LONP2: variants seen among roughly 807,000 people sequenced by gnomAD.
LONP2 encodes the protein lon peptidase 2, peroxisomal.
In LONP2, 60 loss-of-function variants were observed where a neutral mutation model predicts 85.6. That is an observed-to-expected ratio of 0.70 (90% confidence interval 0.57 to 0.87). The LOEUF (loss-of-function observed/expected upper bound fraction) is 0.87, where lower values mean the gene tolerates loss of function less well. Among genes scored for constraint, LONP2 ranks in the 40% least tolerant of loss-of-function variants. The pLI, the probability that LONP2 is intolerant of heterozygous loss-of-function variation, is 0.00. For missense variants in LONP2, 860 were observed against 1,063.5 expected, an observed-to-expected ratio of 0.81 and a Z score of 2.66; for synonymous variants, 395 against 389.7, an observed-to-expected ratio of 1.01 and a Z score of -0.16.
At chr16:48,324,179 C>T (rs1436636441) in intron 11 of LONP2, among the ~76,000 whole-genome samples, 1 of 152,178 alleles carries the variant, frequency 6.6e-6, no homozygotes, top group African/African-American at 2.4e-5. Context: ...AGCCTTGTGA[C>T]ACATATTTCT....
chr16:48,326,702 A>G (rs912167587), intron 11 of LONP2, among the ~76,000 whole-genome samples: 2 of 152,004 alleles, frequency 1.3e-5, no homozygotes, highest in Non-Finnish European at 2.9e-5. Context: ...TTGCTTCAAG[A>G]TTTTTTCAAA....
chr16:48,313,446 C>T (rs1489541478), intron 11 of LONP2, among the ~76,000 whole-genome samples: 1 of 152,124 alleles, frequency 6.6e-6, no homozygotes, highest in Admixed American at 6.6e-5. Context: ...GCCCAGCATC[C>T]ATTAGCTATT....
At chr16:48,281,575 C>G (rs1972329477) in intron 8 of LONP2, among the ~76,000 whole-genome samples, 1 of 152,108 alleles carries the variant, frequency 6.6e-6, no homozygotes, top group South Asian at 2.1e-4. Context: ...ATATTTATAA[C>G]TGGCACATGT....
chr16:48,265,982 A>T (rs973607992), intron 6 of LONP2, among the ~76,000 whole-genome samples: 1 of 152,006 alleles, frequency 6.6e-6, no homozygotes, highest in African/African-American at 2.4e-5. Context: ...ATTGTAAATG[A>T]GATTGTTTCC....
At chr16:48,267,219 T>A (rs1054731382) in intron 6 of LONP2, among the ~76,000 whole-genome samples, 2 of 151,654 alleles carry the variant, frequency 1.3e-5, no homozygotes, top group Non-Finnish European at 2.9e-5. Context: ...ATAAAAGGAG[T>A]CATGTTAAGC....
intron 12 of LONP2, among the ~76,000 whole-genome samples, chr16:48,342,614 T>A (rs1240830813): frequency 6.6e-6 from 1 of 152,228 alleles, no homozygotes; most frequent in Non-Finnish European, 1.5e-5. Flanking sequence ...TGCTTAATGC[T>A]GCTTAAGAGA....
chr16:48,296,294 A>T, intron 9 of LONP2, 129 bp downstream of exon 9: 6 of 1,016,432 alleles, frequency 5.9e-6, no homozygotes, highest in Non-Finnish European at 8.6e-6. Flanking sequence ...GTTCTGAGGA[A>T]TGTATATAAA....
rs1364205139 is a variant in LONP2, at chr16:48,354,988, T to C, written c.*3186T>C. The C allele has an allele frequency of 6.6e-6, 1 of 152,234 alleles. No homozygotes were observed. Among genetic ancestry groups the C allele is most frequent in the Non-Finnish European group, 1.5e-5 (1 of 68,034 alleles). The allele number at this position is 152,234 out of a possible 1,614,324, so 9.4% of individuals were successfully genotyped here. A position where few individuals can be genotyped will look rare whatever the true frequency, so the allele number is the denominator to read the frequency against. ...TGGGAAAAAGCCATGTGGTAGCAAGTACCAGAAATTTTTATGGCCAAATAA... is the reference window on the plus strand; with the variant it reads ...TGGGAAAAAGCCATGTGGTAGCAAGCACCAGAAATTTTTATGGCCAAATAA... On this transcript the variant is annotated 3_prime_UTR_variant, in exon 15 of 15. Coordinates refer to ENST00000285737, the MANE Select transcript of LONP2 (RefSeq NM_031490.5).
intron 8 of LONP2, among the ~76,000 whole-genome samples, chr16:48,281,068 T>C (rs923694843): frequency 6.6e-6 from 1 of 152,170 alleles, no homozygotes; most frequent in African/African-American, 2.4e-5. Context: ...AACCTGCTTT[T>C]AAAAAATGAT....
intron 12 of LONP2, among the ~76,000 whole-genome samples, chr16:48,342,150 G>A (rs926603648): frequency 6.6e-6 from 1 of 152,184 alleles, no homozygotes; most frequent in Non-Finnish European, 1.5e-5. Flanking sequence ...TTTTCATGAG[G>A]TAGTCCCCCA....
At chr16:48,359,608 C>G (rs1960498822), downstream of LONP2, among the ~76,000 whole-genome samples, 1 of 151,770 alleles carries the variant, frequency 6.6e-6, no homozygotes, top group Non-Finnish European at 1.5e-5. Flanking sequence ...CCCAGCTACT[C>G]TGGAGGCTGA....
intron 12 of LONP2, among the ~76,000 whole-genome samples, chr16:48,341,186 G>C (rs1258471526): frequency 6.6e-6 from 1 of 152,170 alleles, no homozygotes; most frequent in Non-Finnish European, 1.5e-5. Context: ...TGTAGTCTCA[G>C]CTACTCGAGA....
chr16:48,257,859 A>G (rs1971791720), intron 3 of LONP2, among the ~76,000 whole-genome samples: 2 of 152,358 alleles, frequency 1.3e-5, no homozygotes, highest in Middle Eastern at 3.4e-3. Context: ...CTGCGGGAAC[A>G]GAGAGCGGCC....
rs1020782057 is a variant in LONP2, at chr16:48,355,822, T to A, written c.*4020T>A. 1 of 152,256 alleles carries A rather than the reference T, an allele frequency of 6.6e-6. No individual in the cohort carries two copies. Among genetic ancestry groups the A allele is most frequent in the African/African-American group, 2.4e-5 (1 of 41,470 alleles). 9.4% of individuals were successfully genotyped at this position (152,256 alleles called of 1,614,324 possible). ...TGTATCAAAATAAGCTGGATTTTTT[T>A]ATTGAAAATTATTAACTCTAGAAAT... On this transcript the variant is annotated 3_prime_UTR_variant, in exon 15 of 15. Coordinates refer to ENST00000285737, the MANE Select transcript of LONP2 (RefSeq NM_031490.5).
chr16:48,312,100 C>T (rs916482664), intron 11 of LONP2, among the ~76,000 whole-genome samples: 3 of 152,018 alleles, frequency 2.0e-5, no homozygotes, highest in Non-Finnish European at 4.4e-5. Context: ...GTTACCATGC[C>T]TGGCTAATTT....
chr16:48,300,521 A>G (rs1259590626), intron 10 of LONP2, among the ~76,000 whole-genome samples: 3 of 152,238 alleles, frequency 2.0e-5, no homozygotes, highest in African/African-American at 2.4e-5. Context: ...CCAGCAAGTC[A>G]TGTCAGGCTG....
rs138253960 is a variant in LONP2, at chr16:48,290,335, G to A, written c.1384-5680G>A. 8.7e-3 allele frequency among the ~76,000 whole-genome samples: 1,321 copies of A among 152,150 alleles called. 15 individuals are homozygous for A. Among genetic ancestry groups the A allele is most frequent in the African/African-American group, 0.029 (1,206 of 41,498 alleles). On this transcript the variant is annotated intron_variant, in intron 8 of 14. Transcript: ENST00000285737. ...ACAGAACACCTCTGACCAAATGCAC[G>A]GGTTTTTTCTCCATATGCCAAGCAA...
chr16:48,355,050 C>T lies in LONP2; in HGVS notation c.*3248C>T, dbSNP rs1442131453. 1 of 152,146 alleles carries T rather than the reference C, an allele frequency of 6.6e-6. No homozygotes were observed. The highest frequency in any genetic ancestry group is 1.5e-5 in the Non-Finnish European group (1 of 68,022). 9.4% of individuals were successfully genotyped at this position (152,146 alleles called of 1,614,324 possible). On this transcript the variant is annotated 3_prime_UTR_variant, in exon 15 of 15. Transcript: ENST00000285737. Reference sequence around the variant, plus strand: ...ATCCATAGACCGCATTTGGTTTATCCACTCATCTGCTGATTGTTTCCCCCT... The same window carrying T: ...ATCCATAGACCGCATTTGGTTTATCTACTCATCTGCTGATTGTTTCCCCCT...
At chr16:48,288,300 C>T (rs930792007) in intron 8 of LONP2, among the ~76,000 whole-genome samples, 1 of 151,794 alleles carries the variant, frequency 6.6e-6, no homozygotes, top group East Asian at 1.9e-4. Flanking sequence ...ATTACAGGCA[C>T]GTGCCACCAC....
Sources: allele counts gnomAD v4.1 joint callset (sites outside exome capture counted in the v4.1 genomes callset), GRCh38; gene constraint gnomAD v4.1.1; transcripts MANE v1.5; gene names NCBI Gene and HGNC (gene_info 2026-07-23, HGNC 2026-07-21).